The following KCNQ5 variants were observed in gnomAD, a reference collection of about 807,000 sequenced individuals.
KCNQ5 encodes the protein potassium voltage-gated channel subfamily Q member 5, also known as potassium voltage-gated channel subfamily KQT member 5.
A neutral mutation model predicts 98.2 loss-of-function variants in KCNQ5; 30 were observed. The ratio of observed to expected loss-of-function variants is 0.31; its 90% CI spans 0.23 to 0.41. KCNQ5 has a LOEUF of 0.41. Ranked by LOEUF, KCNQ5 falls within the 10% of genes least tolerant of loss-of-function variation. KCNQ5 has a pLI of 1.00. For synonymous variants in KCNQ5, 458 were observed against 449.4 expected, an observed-to-expected ratio of 1.02 and a Z score of -0.24; for missense variants, 835 against 1,182.5, an observed-to-expected ratio of 0.71 and a Z score of 4.31.
At chr6:72,980,392 C>T (rs909668481) in intron 1 of KCNQ5, among the ~76,000 whole-genome samples, 2 of 152,174 alleles carry the variant, frequency 1.3e-5, no homozygotes, top group African/African-American at 4.8e-5. Flanking sequence ...AGGTCCTTCA[C>T]ATCCTTGTAA....
chr6:73,172,666 C>T (rs1778053281), intron 11 of KCNQ5, among the ~76,000 whole-genome samples: 1 of 152,122 alleles, frequency 6.6e-6, no homozygotes, highest in South Asian at 2.1e-4. Flanking sequence ...TTGCAGCTCC[C>T]CTGAAGCAGT....
chr6:73,019,815 GAC>G (rs1194423934), intron 2 of KCNQ5, among the ~76,000 whole-genome samples: 1 of 152,050 alleles, frequency 6.6e-6, no homozygotes, highest in Admixed American at 6.6e-5. Flanking sequence ...AAAAATATAA[GAC>G]AGTCTGATTT....
At chr6:73,162,186 G>A (rs1375129754) in intron 10 of KCNQ5, among the ~76,000 whole-genome samples, 1 of 151,736 alleles carries the variant, frequency 6.6e-6, no homozygotes, top group African/African-American at 2.4e-5. Flanking sequence ...CTCAGCCTCT[G>A]AAAGTGCTGG....
At position 73,194,930 on chromosome 6, in the gene KCNQ5, G is replaced by C; in HGVS notation, c.2315G>C (p.Gly772Ala). 1 of 1,614,142 alleles carries C rather than the reference G, an allele frequency of 6.2e-7. No individual in the cohort carries two copies. Among genetic ancestry groups the C allele is most frequent in the Non-Finnish European group, 8.5e-7 (1 of 1,180,038 alleles). The change falls in exon 14 of 14, where the codon GGC (glycine) becomes GCC (alanine). Residue 772 changes from glycine to alanine, a missense_variant. This residue lies in a region of KCNQ5 where 416 missense variants were observed against 446.9 expected (regional missense o/e 0.93). Coordinates refer to ENST00000370398, the MANE Select transcript of KCNQ5 (RefSeq NM_019842.4). ...RPETLHPNPA[G>A]LQESISDVTT... The stretch of plus-strand genomic sequence containing the variant: ...GAAACTCTGCACCCTAACCCTGCAG[G>C]CTTACAGGAAAGCATTTCTGACGTC...
chr6:72,957,452 T>A (rs1002491467), intron 1 of KCNQ5, among the ~76,000 whole-genome samples: 1 of 152,086 alleles, frequency 6.6e-6, no homozygotes, highest in Admixed American at 6.5e-5. Context: ...ATTACAGGCA[T>A]GAGTCCCTGC....
intron 1 of KCNQ5, among the ~76,000 whole-genome samples, chr6:72,783,512 G>A (rs978459178): frequency 6.6e-6 from 1 of 152,190 alleles, no homozygotes; most frequent in African/African-American, 2.4e-5. Context: ...ACCTGTCAGT[G>A]GGATGTGTCT....
At chr6:72,939,513 C>T (rs938419913) in intron 1 of KCNQ5, among the ~76,000 whole-genome samples, 2 of 152,218 alleles carry the variant, frequency 1.3e-5, no homozygotes, top group African/African-American at 4.8e-5. Flanking sequence ...TTTTCTTCAA[C>T]GTACAAACAG....
chr6:72,667,369 C>CA (rs1766877107), intron 1 of KCNQ5, among the ~76,000 whole-genome samples: 1 of 152,198 alleles, frequency 6.6e-6, no homozygotes, highest in Admixed American at 6.5e-5. Context: ...CTTCACCCTG[C>CA]ATTGCCCTAT....
chr6:73,030,615 A>G (rs1771101764), intron 2 of KCNQ5, among the ~76,000 whole-genome samples: 1 of 152,244 alleles, frequency 6.6e-6, no homozygotes, highest in African/African-American at 2.4e-5. Flanking sequence ...GGAAGGCAAG[A>G]CTAGGTTTTG....
chr6:72,852,870 G>C (rs1777340885), intron 1 of KCNQ5, among the ~76,000 whole-genome samples: 1 of 151,214 alleles, frequency 6.6e-6, no homozygotes, highest in African/African-American at 2.4e-5. Flanking sequence ...TATGTTCTTG[G>C]GATTATATAT....
intron 1 of KCNQ5, among the ~76,000 whole-genome samples, chr6:72,894,437 G>C (rs1304962173): frequency 6.6e-6 from 1 of 152,202 alleles, no homozygotes; most frequent in Non-Finnish European, 1.5e-5. Context: ...CTGATAGAAG[G>C]TCATAACATC....
chr6:73,077,941 T>A (rs1420755947), intron 5 of KCNQ5, 54 bp downstream of exon 5: 1 of 1,368,130 alleles, frequency 7.3e-7, no homozygotes, highest in Non-Finnish European at 1.0e-6. Flanking sequence ...TGTTTTTTTT[T>A]AATACAACGT....
intron 5 of KCNQ5, among the ~76,000 whole-genome samples, chr6:73,099,163 A>G (rs963932853): frequency 1.1e-4 from 17 of 152,176 alleles, no homozygotes; most frequent in Non-Finnish European, 2.1e-4. Context: ...ATACACACAA[A>G]AAAATAAAAA....
chr6:72,731,104 G>A (rs1313569425), intron 1 of KCNQ5, among the ~76,000 whole-genome samples: 6 of 152,156 alleles, frequency 3.9e-5, no homozygotes, highest in Admixed American at 3.9e-4. Context: ...TTTAACCCTG[G>A]CTCTACCTCC....
At chr6:72,955,031 A>G (rs999047724) in intron 1 of KCNQ5, among the ~76,000 whole-genome samples, 16 of 152,244 alleles carry the variant, frequency 1.1e-4, no homozygotes, top group Non-Finnish European at 1.9e-4. Flanking sequence ...AGATAGGAGA[A>G]GTCTCTTGGC....
intron 11 of KCNQ5, among the ~76,000 whole-genome samples, chr6:73,183,785 C>T (rs1490013080): frequency 1.3e-5 from 2 of 152,144 alleles, no homozygotes; most frequent in Admixed American, 6.5e-5. Context: ...ATAATGTAAA[C>T]ATGTCAAGTT....
chr6:72,737,075 C>T (rs1170526367), intron 1 of KCNQ5, among the ~76,000 whole-genome samples: 1 of 152,136 alleles, frequency 6.6e-6, no homozygotes, highest in African/African-American at 2.4e-5. Context: ...ATTCTCCTGC[C>T]TCAGCCTCCC....
intron 1 of KCNQ5, among the ~76,000 whole-genome samples, chr6:72,794,855 CT>C (rs1208718669): frequency 3.9e-5 from 6 of 152,140 alleles, no homozygotes; most frequent in African/African-American, 1.4e-4. Context: ...TTTTGAAAAC[CT>C]TTTTCTTAAG....
chr6:72,642,318 T>C (rs924883611), intron 1 of KCNQ5, among the ~76,000 whole-genome samples: 6 of 151,742 alleles, frequency 4.0e-5, no homozygotes, highest in African/African-American at 1.5e-4. Flanking sequence ...TAAATTCTTA[T>C]TTATTTATTT....
Sources: gnomAD v4.1 joint callset for allele counts (sites outside exome capture counted in the v4.1 genomes callset) on GRCh38, gnomAD v4.1.1 for gene constraint, gnomAD v4.1.1 regional missense constraint, MANE v1.5 for transcripts, NCBI Gene and HGNC (gene_info 2026-07-23, HGNC 2026-07-21) for gene names.